The following MAN1A1 variants were observed in gnomAD, a reference collection of about 807,000 sequenced individuals.
The protein encoded by MAN1A1 is mannosyl-oligosaccharide 1,2-alpha-mannosidase IA.
In MAN1A1, 29 loss-of-function variants were observed where a neutral mutation model predicts 70.8. The ratio of observed to expected loss-of-function variants is 0.41; its 90% CI spans 0.31 to 0.56. MAN1A1 has a LOEUF of 0.56. Among genes scored for constraint, MAN1A1 ranks in the 20% least tolerant of loss-of-function variants. MAN1A1 has a pLI of 0.29. For synonymous variants in MAN1A1, 349 were observed against 330.1 expected (o/e 1.06, Z -0.62); for missense variants, 747 against 841.3 (o/e 0.89, Z 1.39).
intron 2 of MAN1A1, among the ~76,000 whole-genome samples, chr6:119,344,492 A>C (rs951363380): frequency 2.0e-5 from 3 of 152,224 alleles, no homozygotes; most frequent in African/African-American, 7.2e-5. Flanking sequence ...GGGTGGAGCA[A>C]TCCCACACTA....
At chr6:119,272,279 C>T (rs7743309) in intron 5 of MAN1A1, among the ~76,000 whole-genome samples, 6,289 of 152,170 alleles carry the variant, frequency 0.041, 147 homozygotes, top group African/African-American at 0.054. Context: ...TGTGTCCTTC[C>T]GTTTTAATAG....
At chr6:119,282,842 G>T (rs1776258042) in intron 5 of MAN1A1, among the ~76,000 whole-genome samples, 1 of 152,042 alleles carries the variant, frequency 6.6e-6, no homozygotes, top group Non-Finnish European at 1.5e-5. Context: ...TGGCATAAAT[G>T]TGTCATTAAG....
At chr6:119,326,590 G>C (rs1327546197) in intron 2 of MAN1A1, among the ~76,000 whole-genome samples, 1 of 152,180 alleles carries the variant, frequency 6.6e-6, no homozygotes, top group African/African-American at 2.4e-5. Flanking sequence ...CTGGAGACTA[G>C]GTAATTTACA....
intron 2 of MAN1A1, among the ~76,000 whole-genome samples, chr6:119,312,530 A>G (rs1471951071): frequency 6.6e-6 from 1 of 151,998 alleles, no homozygotes; most frequent in East Asian, 1.9e-4. Context: ...CAATCTAACC[A>G]CCCCTTCCAC....
chr6:119,231,764 G>A (rs1440001151), intron 6 of MAN1A1, among the ~76,000 whole-genome samples: 1 of 152,116 alleles, frequency 6.6e-6, no homozygotes, highest in African/African-American at 2.4e-5. Context: ...TCACAAAGAC[G>A]GGGAGAAGAC....
chr6:119,247,529 G>A (rs182907687), intron 6 of MAN1A1, among the ~76,000 whole-genome samples: 13 of 152,328 alleles, frequency 8.5e-5, no homozygotes, highest in African/African-American at 1.9e-4. Context: ...GCAGGAAGGC[G>A]TTAAGAAGGA....
chr6:119,208,909 A>G (rs1188477282), intron 6 of MAN1A1, among the ~76,000 whole-genome samples: 1 of 152,124 alleles, frequency 6.6e-6, no homozygotes, highest in Non-Finnish European at 1.5e-5. Flanking sequence ...AGCCTGGGCA[A>G]CATGGTGAGA....
At chr6:119,182,028 CCTCA>C (rs774284455) in intron 11 of MAN1A1, among the ~76,000 whole-genome samples, 3 of 152,168 alleles carry the variant, frequency 2.0e-5, no homozygotes, top group Non-Finnish European at 2.9e-5. Context: ...TATTCTGCAT[CCTCA>C]CTAAGACTGA....
chr6:119,241,088 A>G (rs1025200219), intron 6 of MAN1A1, among the ~76,000 whole-genome samples: 8 of 152,160 alleles, frequency 5.3e-5, no homozygotes, highest in African/African-American at 1.9e-4. Flanking sequence ...TTCTAATTAA[A>G]AATGCTTATT....
At chr6:119,335,167 T>G (rs1229153844) in intron 2 of MAN1A1, among the ~76,000 whole-genome samples, 1 of 152,204 alleles carries the variant, frequency 6.6e-6, no homozygotes, top group African/African-American at 2.4e-5. Flanking sequence ...AATACAGCAA[T>G]ACTGCAGCCA....
chr6:119,181,214 C>G (rs1773145751), intron 11 of MAN1A1, among the ~76,000 whole-genome samples: 1 of 152,156 alleles, frequency 6.6e-6, no homozygotes, highest in African/African-American at 2.4e-5. Context: ...TTGTCTGGCC[C>G]TTAACAGAAA....
intron 6 of MAN1A1, among the ~76,000 whole-genome samples, chr6:119,212,752 T>C (rs1269164991): frequency 6.6e-6 from 1 of 152,198 alleles, no homozygotes; most frequent in Non-Finnish European, 1.5e-5. Context: ...CTGAACTTCA[T>C]CTGACTGGTA....
At chr6:119,348,407 G>T (rs957894763) in intron 2 of MAN1A1, 56 bp downstream of exon 2, 13 of 1,468,812 alleles carry the variant, frequency 8.9e-6, no homozygotes, top group Non-Finnish European at 1.2e-5. Context: ...AAGGCTTGCC[G>T]TTTCTCCCTG....
At chr6:119,346,184 C>T (rs1209693363) in intron 2 of MAN1A1, among the ~76,000 whole-genome samples, 1 of 152,196 alleles carries the variant, frequency 6.6e-6, no homozygotes, top group East Asian at 1.9e-4. Context: ...AAAATGTCCA[C>T]AGTGGTGCCT....
chr6:119,332,633 A>G (rs1462662870), intron 2 of MAN1A1, among the ~76,000 whole-genome samples: 2 of 152,114 alleles, frequency 1.3e-5, no homozygotes, highest in African/African-American at 4.8e-5. Context: ...CCTGGCCAAC[A>G]TGGTGAAACC....
intron 4 of MAN1A1, among the ~76,000 whole-genome samples, chr6:119,295,174 C>T (rs1772171909): frequency 1.3e-5 from 2 of 152,096 alleles, no homozygotes; most frequent in Admixed American, 1.3e-4. Context: ...ATCTAGGCAA[C>T]AGAGAAAATG....
chr6:119,280,817 T>C (rs1331473432), intron 5 of MAN1A1, among the ~76,000 whole-genome samples: 3 of 152,246 alleles, frequency 2.0e-5, no homozygotes, highest in Non-Finnish European at 4.4e-5. Flanking sequence ...ATAAAGTGAT[T>C]CAATATAAAT....
At chr6:119,320,281 T>C (rs1772971503) in intron 2 of MAN1A1, among the ~76,000 whole-genome samples, 1 of 152,174 alleles carries the variant, frequency 6.6e-6, no homozygotes, top group Non-Finnish European at 1.5e-5. Flanking sequence ...CAGTATCTTC[T>C]CTTAAGGATG....
At chr6:119,343,580 C>G (rs1171461050) in intron 2 of MAN1A1, among the ~76,000 whole-genome samples, 2 of 152,118 alleles carry the variant, frequency 1.3e-5, no homozygotes, top group African/African-American at 4.8e-5. Flanking sequence ...AGATATAGTT[C>G]AATCACTGAA....
Sources: gnomAD v4.1 joint callset for allele counts (sites outside exome capture counted in the v4.1 genomes callset) on GRCh38, gnomAD v4.1.1 for gene constraint, MANE v1.5 for transcripts, NCBI Gene and HGNC (gene_info 2026-07-23, HGNC 2026-07-21) for gene names.